The following PRKG2 variants were observed in gnomAD, a reference collection of about 807,000 sequenced individuals.
PRKG2 encodes cGMP-dependent protein kinase 2.
Under a neutral mutation model 97.2 loss-of-function variants are expected in PRKG2, and 33 were observed. That is an observed-to-expected ratio of 0.34 (90% CI 0.26 to 0.45). The LOEUF (loss-of-function observed/expected upper bound fraction) is 0.45. PRKG2 is among the 20% of genes least tolerant of loss of function. PRKG2 has a pLI of 1.00. For missense variants in PRKG2, 638 were observed against 900.0 expected (o/e 0.71, Z 3.73); for synonymous variants, 330 against 321.8 (o/e 1.03, Z -0.27).
intron 6 of PRKG2, among the ~76,000 whole-genome samples, chr4:81,155,279 G>C (rs1208980433): frequency 6.6e-6 from 1 of 151,658 alleles, no homozygotes; most frequent in African/African-American, 2.4e-5. Flanking sequence ...ACTACGTGAA[G>C]AATGCAGAAG....
intron 2 of PRKG2, among the ~76,000 whole-genome samples, chr4:81,182,637 G>A (rs923254647): frequency 2.6e-5 from 4 of 152,008 alleles, no homozygotes; most frequent in Admixed American, 2.0e-4. Flanking sequence ...ATATGATTAT[G>A]TATGTGAAAA....
intron 12 of PRKG2, among the ~76,000 whole-genome samples, chr4:81,138,924 A>G (rs1157840985): frequency 6.6e-6 from 1 of 152,136 alleles, no homozygotes; most frequent in Non-Finnish European, 1.5e-5. Flanking sequence ...GATCTTGGGG[A>G]AAAAAGTGGG....
intron 14 of PRKG2, among the ~76,000 whole-genome samples, chr4:81,132,642 TC>T (rs1199526516): frequency 6.6e-6 from 1 of 152,202 alleles, no homozygotes; most frequent in African/African-American, 2.4e-5. Flanking sequence ...ACTCTTTGTT[TC>T]TTTTCAATGC....
intron 2 of PRKG2, among the ~76,000 whole-genome samples, chr4:81,181,018 T>A (rs113661061): frequency 0.052 from 6,646 of 128,410 alleles, 572 homozygotes; most frequent in African/African-American, 0.17. Context: ...CGGAGTGTGA[T>A]GTTCCCCTTC....
intron 2 of PRKG2, among the ~76,000 whole-genome samples, chr4:81,185,035 C>A (rs1390151367): frequency 6.6e-6 from 1 of 152,138 alleles, no homozygotes; most frequent in Non-Finnish European, 1.5e-5. Flanking sequence ...GAGAATGGAA[C>A]CAAGTTGGAA....
At chr4:81,175,763 A>G (rs958218539) in intron 2 of PRKG2, among the ~76,000 whole-genome samples, 5 of 152,208 alleles carry the variant, frequency 3.3e-5, no homozygotes, top group Non-Finnish European at 7.4e-5. Context: ...TTATTTTGGA[A>G]AAGATGTAGC....
At chr4:81,209,002 A>G (rs1413445571) in intron 1 of PRKG2, among the ~76,000 whole-genome samples, 1 of 152,222 alleles carries the variant, frequency 6.6e-6, no homozygotes, top group Admixed American at 6.5e-5. Context: ...GAAGGCAACC[A>G]AAAACCATAG....
chr4:81,171,953 G>A lies in PRKG2; in HGVS notation c.629-149C>T, dbSNP rs1750516703. ...TCATTATAATACACCAGTTAAAAGT[G>A]TAGACTGAAATCACCTCTGCCACTT... On this transcript the variant is annotated intron_variant, in intron 3 of 18. Transcript: ENST00000264399. The A allele has an allele frequency of 1.2e-5, 6 of 518,372 alleles. No homozygotes were observed. The South Asian group carries it at 1.4e-4, about 12-fold the overall frequency. The allele number at this position is 518,372 out of a possible 1,614,324, so 32.1% of individuals were successfully genotyped here.
At chr4:81,207,826 C>A (rs928383504) in intron 1 of PRKG2, among the ~76,000 whole-genome samples, 5 of 152,196 alleles carry the variant, frequency 3.3e-5, no homozygotes, top group African/African-American at 1.2e-4. Flanking sequence ...TTACTTAGTT[C>A]ATCCATTTAA....
At chr4:81,135,088 A>G in intron 14 of PRKG2, 67 bp downstream of exon 14, 1 of 1,445,008 alleles carries the variant, frequency 6.9e-7, no homozygotes, top group Non-Finnish European at 9.4e-7. Context: ...GAAAATTGCA[A>G]CTAGAACACA....
chr4:81,159,739 GA>G (rs1170857716), intron 6 of PRKG2, among the ~76,000 whole-genome samples: 2 of 151,808 alleles, frequency 1.3e-5, no homozygotes, highest in African/African-American at 2.4e-5. Context: ...ACTGGATTAA[GA>G]AAATGTGGCA....
chr4:81,182,954 T>A (rs1278518710), intron 2 of PRKG2, among the ~76,000 whole-genome samples: 1 of 152,078 alleles, frequency 6.6e-6, no homozygotes, highest in Admixed American at 6.5e-5. Context: ...GTTAATTATA[T>A]TCAGGTTGAT....
chr4:81,103,089 A>G (rs1192695781), intron 17 of PRKG2, among the ~76,000 whole-genome samples: 1 of 152,228 alleles, frequency 6.6e-6, no homozygotes, highest in Non-Finnish European at 1.5e-5. Flanking sequence ...TTATCCAAGC[A>G]CTGATTTAAC....
At chr4:81,169,004 A>G (rs1315388782) in intron 5 of PRKG2, among the ~76,000 whole-genome samples, 1 of 152,018 alleles carries the variant, frequency 6.6e-6, no homozygotes, top group Non-Finnish European at 1.5e-5. Flanking sequence ...TTGTTTAAAT[A>G]AATAACTTAT....
chr4:81,142,837 A>G lies in PRKG2; in HGVS notation c.1364T>C (p.Ile455Thr). 1 of 1,611,928 alleles carries G rather than the reference A, an allele frequency of 6.2e-7. No individual in the cohort carries two copies. The highest frequency in any genetic ancestry group is 8.5e-7 in the Non-Finnish European group (1 of 1,178,606). The change falls in exon 11 of 19, where the codon ATT (isoleucine) becomes ACT (threonine). Residue 455 changes from isoleucine (I) to threonine (T), a missense_variant. Around this residue, in one of 3 missense-constraint regions of PRKG2, gnomAD observed 304 missense variants for 460.5 expected, o/e 0.66. Transcript: ENST00000264399. The part of the protein sequence containing the change: ...SSSSPFQNLE[I>T]IATLGVGGFG... ...CCCACCAACGCCCAGTGTTGCAATA[A>G]TCTCAAGGTTCTGGAATGGGGATGA...
At chr4:81,105,711 G>A in intron 16 of PRKG2, 102 bp downstream of exon 16, 1 of 1,481,548 alleles carries the variant, frequency 6.7e-7, no homozygotes, top group Non-Finnish European at 9.1e-7. Context: ...TATAAAAACA[G>A]CACAAAAAGT....
Position 81,133,714 on chromosome 4 carries a change from T to G in PRKG2, c.1776+1441A>C, listed in dbSNP as rs566242190. Among the ~76,000 whole-genome samples the G allele has an allele frequency of 1.7e-3, 254 of 152,324 alleles. 1 individual carries two copies. The highest frequency in any genetic ancestry group is 3.0e-3 in the Non-Finnish European group (202 of 68,032). ...ACTGAAGGCTATAGTTCTTACTCTT[T>G]GTTTAGCTGATTGGCAAATGAATTA... is the stretch of plus-strand genomic sequence containing the variant. On this transcript the variant is annotated intron_variant, in intron 14 of 18. Transcript: ENST00000264399.
rs143369409 is a variant in PRKG2 at position 81,091,735 on chromosome 4, A to C, written c.2193+651T>G. Among the ~76,000 whole-genome samples, 632 of 152,288 alleles carry C rather than the reference A, an allele frequency of 4.2e-3. 17 individuals are homozygous for C. The highest frequency in any genetic ancestry group is 0.028 in the Admixed American group (432 of 15,288). On this transcript the variant is annotated intron_variant, in intron 18 of 18. Transcript: ENST00000264399. ...ATCTTTTGGAAAAAACACTAACATAAACTTAGTAGTATGTTGACCTAGATC... is the reference window on the plus strand; with the variant it reads ...ATCTTTTGGAAAAAACACTAACATACACTTAGTAGTATGTTGACCTAGATC...
chr4:81,131,097 C>T (rs1746130619), intron 14 of PRKG2, among the ~76,000 whole-genome samples: 1 of 152,208 alleles, frequency 6.6e-6, no homozygotes, highest in South Asian at 2.1e-4. Flanking sequence ...GTGTTTGAAA[C>T]CCAGGGCCCT....
Sources: gnomAD v4.1 joint callset for allele counts (sites outside exome capture counted in the v4.1 genomes callset) on GRCh38, gnomAD v4.1.1 for gene constraint, gnomAD v4.1.1 regional missense constraint, MANE v1.5 for transcripts, NCBI Gene and HGNC (gene_info 2026-07-23, HGNC 2026-07-21) for gene names.